The following MRC2 variants were observed in gnomAD, a reference collection of about 807,000 sequenced individuals.
MRC2 encodes the protein C-type mannose receptor 2.
A neutral mutation model predicts 206.2 loss-of-function variants in MRC2; 84 were observed. The ratio of observed to expected loss-of-function variants is 0.41; its 90% CI spans 0.34 to 0.49. The LOEUF is 0.49. Among genes scored for constraint, MRC2 ranks in the 20% least tolerant of loss-of-function variants. The pLI is 0.31. For missense variants in MRC2, 1,676 were observed against 2,001.5 expected, an observed-to-expected ratio of 0.84 and a Z score of 3.10; for synonymous variants, 798 against 800.0, an observed-to-expected ratio of 1.00 and a Z score of 0.04.
intron 1 of MRC2, among the ~76,000 whole-genome samples, chr17:62,646,502 C>T (rs1360446132): frequency 1.3e-5 from 2 of 152,198 alleles, no homozygotes; most frequent in Non-Finnish European, 2.9e-5. Context: ...CTGTGTACAT[C>T]GTAGCACACC....
At position 62,688,697 on chromosome 17, in the gene MRC2, G is replaced by T. The variant is rs560143587; in HGVS notation, c.3225+33G>T. ...TGCCCTCCCTGTTCCCCTCCGCACC[G>T]CGCTGCCCTAAGCCTGTGGGGCTGC... is the stretch of plus-strand genomic sequence containing the variant. On this transcript the variant is annotated intron_variant, in intron 22 of 29. Transcript: ENST00000303375. The T allele has an allele frequency of 1.9e-6, 3 of 1,608,920 alleles. No homozygotes were observed. In the Admixed American group the frequency reaches 5.0e-5, roughly 27 times the overall value.
chr17:62,686,905 C>T (rs1023043839), intron 20 of MRC2, among the ~76,000 whole-genome samples: 1 of 152,182 alleles, frequency 6.6e-6, no homozygotes, highest in African/African-American at 2.4e-5. Flanking sequence ...ATTTTTTACC[C>T]CAAATCTGCC....
At chr17:62,641,893 C>CTTTG in intron 1 of MRC2, among the ~76,000 whole-genome samples, 1 of 93,282 alleles carries the variant, frequency 1.1e-5, no homozygotes, top group African/African-American at 4.5e-5. Context: ...TTATCTCACT[C>CTTTG]TCTGTGTGTG....
Position 62,643,327 on chromosome 17 carries a change from C to CAAAA in MRC2, c.118+15424_118+15427dup, listed in dbSNP as rs59698063. Among the ~76,000 whole-genome samples, 172 of 44,124 alleles carry CAAAA rather than the reference C, an allele frequency of 3.9e-3. 1 individual carries two copies. Among genetic ancestry groups the CAAAA allele is most frequent in the Middle Eastern group, 0.016 (1 of 64 alleles). The allele number at this position is 44,124 out of a possible 152,430, so 28.9% of individuals were successfully genotyped here. On this transcript the variant is annotated intron_variant, in intron 1 of 29. Transcript: ENST00000303375. ...TGGGTGACAAAGAGTGAAACTCCGTCAAAAAAAAAAAAAAAAAAAAGAAAA... is the reference window on the plus strand; with the variant it reads ...TGGGTGACAAAGAGTGAAACTCCGTCAAAAAAAAAAAAAAAAAAAAAAAAGAAAA...
At chr17:62,684,626 C>A (rs1303253385) in intron 20 of MRC2, among the ~76,000 whole-genome samples, 1 of 150,740 alleles carries the variant, frequency 6.6e-6, no homozygotes, top group Non-Finnish European at 1.5e-5. Flanking sequence ...CGAGTTCATA[C>A]CAGGAAGAGA....
In MRC2 at chr17:62,652,158, TA is replaced by T. The variant is rs1568054930; in HGVS notation, c.119-12383del. 6.6e-6 allele frequency among the ~76,000 whole-genome samples: 1 copy of T among 152,206 alleles called. No individual in the cohort carries two copies. Among genetic ancestry groups the T allele is most frequent in the Non-Finnish European group, 1.5e-5 (1 of 68,038 alleles). On this transcript the variant is annotated intron_variant, in intron 1 of 29. Transcript: ENST00000303375. The surrounding 1 kb of genome is among the most constrained non-coding windows in gnomAD (Gnocchi z 4.6). ...TAGACACTTTGTCAAAACTACATTT[TA>T]AAAAAATGCTTTCCCCCAAATTCGT...
At position 62,690,237 on chromosome 17, in the gene MRC2, A is replaced by G; in HGVS notation, c.3824A>G (p.Glu1275Gly). 5.6e-6 allele frequency: 9 copies of G among 1,613,352 alleles called. No homozygotes were observed. The highest frequency in any genetic ancestry group is 7.6e-6 in the Non-Finnish European group (9 of 1,179,660). ...LADSAWIPFREHCYSFHMELL... is the reference protein window; with the variant it reads ...LADSAWIPFRGHCYSFHMELL... The stretch of plus-strand genomic sequence containing the variant: ...GACTCCGCGTGGATTCCCTTCCGGG[A>G]GCACTGCTATTCTTTCCACATGGAG... The change falls in exon 26 of 30, where the codon GAG (glutamate) becomes GGG (glycine). Residue 1275 changes from glutamate to glycine, a missense_variant. By Grantham distance (98) the Glu-to-Gly change is moderately conservative. Transcript: ENST00000303375.
rs113902122 is a variant in MRC2, at chr17:62,667,852, A to G, written c.1117+319A>G. ...TCCCAGGTCATGAGTGATTATAGAAATATGGATCAGTGTTAGAGGAGCATA... is the reference window on the plus strand; with the variant it reads ...TCCCAGGTCATGAGTGATTATAGAAGTATGGATCAGTGTTAGAGGAGCATA... On this transcript the variant is annotated intron_variant, in intron 6 of 29. Coordinates refer to ENST00000303375, the MANE Select transcript of MRC2 (RefSeq NM_006039.5). This position sits in a 1 kb window ranked among gnomAD's most constrained non-coding sequence, Gnocchi z 4.1. Among the ~76,000 whole-genome samples, 3 of 152,364 alleles carry G rather than the reference A, an allele frequency of 2.0e-5. No individual in the cohort carries two copies. Among genetic ancestry groups the G allele is most frequent in the African/African-American group, 7.2e-5 (3 of 41,588 alleles).
Position 62,652,769 on chromosome 17 carries a change from G to A in MRC2, c.119-11779G>A, listed in dbSNP as rs1205986564. Among the ~76,000 whole-genome samples, 1 of 149,228 alleles carries A rather than the reference G, an allele frequency of 6.7e-6. No homozygotes were observed. The highest frequency in any genetic ancestry group is 1.5e-5 in the Non-Finnish European group (1 of 67,092). On this transcript the variant is annotated intron_variant, in intron 1 of 29. Transcript: ENST00000303375. The surrounding 1 kb of genome is among the most constrained non-coding windows in gnomAD (Gnocchi z 4.6). Reference sequence around the variant, plus strand: ...GTGACAGAGGAAGTGGCGCCGCTTGGGGGGGTGCACGATGGCAGGGGGAGG... The same window carrying A: ...GTGACAGAGGAAGTGGCGCCGCTTGAGGGGGTGCACGATGGCAGGGGGAGG...
chr17:62,680,967 A>G lies in MRC2; in HGVS notation c.2634+7A>G, dbSNP rs1257111299. On this transcript the variant is annotated splice_region_variant and intron_variant, in intron 17 of 29. Transcript: ENST00000303375. This position sits in a 1 kb window ranked among gnomAD's most constrained non-coding sequence, Gnocchi z 4.8. ...GAGCCACAACTTGCAGAAGGTGGGCATTGGATTGAGCAGGGGGCTGCAGGC... is the reference window on the plus strand; with the variant it reads ...GAGCCACAACTTGCAGAAGGTGGGCGTTGGATTGAGCAGGGGGCTGCAGGC... The G allele has an allele frequency of 6.2e-7, 1 of 1,612,772 alleles. No homozygotes were observed. The highest frequency in any genetic ancestry group is 8.5e-7 in the Non-Finnish European group (1 of 1,179,670).
chr17:62,678,359 T>A, intron 12 of MRC2, 145 bp from the exon 13 acceptor site: 1 of 1,133,996 alleles, frequency 8.8e-7, no homozygotes, highest in Non-Finnish European at 1.2e-6. Flanking sequence ...CCTCTGCAGA[T>A]GAACAGGATT....
chr17:62,681,297 G>T, intron 18 of MRC2, 168 bp downstream of exon 18: 1 of 737,968 alleles, frequency 1.4e-6, no homozygotes, highest in South Asian at 1.9e-5. Flanking sequence ...CTGAAAATGG[G>T]AATATGAGGC....
At chr17:62,685,117 G>A (rs1468432364) in intron 20 of MRC2, among the ~76,000 whole-genome samples, 1 of 151,960 alleles carries the variant, frequency 6.6e-6, no homozygotes, top group Non-Finnish European at 1.5e-5. Flanking sequence ...ACTCCAGCCT[G>A]GGCGAGAGAT....
At chr17:62,662,726 A>G (rs1398288329) in intron 1 of MRC2, among the ~76,000 whole-genome samples, 2 of 152,244 alleles carry the variant, frequency 1.3e-5, no homozygotes, top group Middle Eastern at 6.8e-3. Context: ...CCTGACCAAC[A>G]TGGAGAAATC....
chr17:62,665,226 C>A (rs954543888), intron 2 of MRC2, among the ~76,000 whole-genome samples: 1 of 151,846 alleles, frequency 6.6e-6, no homozygotes, highest in African/African-American at 2.4e-5. Context: ...ATGGAAAAAC[C>A]CCATCTCTAC....
chr17:62,639,504 C>T (rs2088371934), intron 1 of MRC2, among the ~76,000 whole-genome samples: 1 of 152,166 alleles, frequency 6.6e-6, no homozygotes, highest in African/African-American at 2.4e-5. Flanking sequence ...TTCTGTTTTT[C>T]AGGATTCAAT....
chr17:62,673,155 A>T (rs1271689176), intron 8 of MRC2, among the ~76,000 whole-genome samples: 2 of 152,214 alleles, frequency 1.3e-5, no homozygotes, highest in African/African-American at 2.4e-5. Context: ...TAAAACAATT[A>T]TGTATTGAGT....
At position 62,672,624 on chromosome 17, in the gene MRC2, G is replaced by A. The variant is rs2088840274; in HGVS notation, c.1461+472G>A. Among the ~76,000 whole-genome samples, 1 of 152,160 alleles carries A rather than the reference G, an allele frequency of 6.6e-6. No homozygotes were observed. On this transcript the variant is annotated intron_variant, in intron 8 of 29. Coordinates refer to ENST00000303375, the MANE Select transcript of MRC2 (RefSeq NM_006039.5). This position sits in a 1 kb window ranked among gnomAD's most constrained non-coding sequence, Gnocchi z 4.5. ...GTTGGGTTTTATGACAATTTGCCAT[G>A]GTTTGGGCTTAGATGTGGTGTAAGT...
chr17:62,686,951 T>C (rs2089039622), intron 20 of MRC2, among the ~76,000 whole-genome samples: 1 of 152,226 alleles, frequency 6.6e-6, no homozygotes, highest in African/African-American at 2.4e-5. Context: ...GAGCTAATTA[T>C]TAATAGTCAC....
Sources: gnomAD v4.1 joint callset for allele counts (sites outside exome capture counted in the v4.1 genomes callset) on GRCh38, gnomAD v4.1.1 for gene constraint, Gnocchi (gnomAD v3.1) non-coding constraint, MANE v1.5 for transcripts, NCBI Gene and HGNC (gene_info 2026-07-23, HGNC 2026-07-21) for gene names.